NCOA6: variants seen among roughly 807,000 people sequenced by gnomAD.
The protein encoded by NCOA6 is NRC RAP250.
Under a neutral mutation model 171.4 loss-of-function variants are expected in NCOA6, and 49 were observed. That is an observed-to-expected ratio of 0.29 (90% CI 0.23 to 0.36). The LOEUF (loss-of-function observed/expected upper bound fraction) is 0.36. Ranked by LOEUF, NCOA6 falls within the 10% of genes least tolerant of loss-of-function variation. The pLI is 1.00. For synonymous variants in NCOA6, 910 were observed against 927.5 expected (o/e 0.98, Z 0.34); for missense variants, 2,248 against 2,554.5 (o/e 0.88, Z 2.59).
chr20:34,819,113 C>T (rs978768246), intron 1 of NCOA6, among the ~76,000 whole-genome samples: 1 of 152,162 alleles, frequency 6.6e-6, no homozygotes, highest in African/African-American at 2.4e-5. Flanking sequence ...TACTTGCCCA[C>T]AAACTCATCT....
At position 34,809,065 on chromosome 20, in the gene NCOA6, G is replaced by C. The variant is rs147068710; in HGVS notation, c.-164+16407C>G. Among the ~76,000 whole-genome samples the C allele has an allele frequency of 5.5e-4, 84 of 152,314 alleles. 1 individual carries two copies. The East Asian group carries it at 0.014, about 26-fold the overall frequency. ...TTATGAATTCTGAAAATATCAGAGA[G>C]AAGGCCAAATAAATGCTTATTTTGC... On this transcript the variant is annotated intron_variant, in intron 1 of 14. Coordinates refer to ENST00000359003, the MANE Select transcript of NCOA6 (RefSeq NM_014071.5).
At chr20:34,775,682 A>G (rs1387334696) in intron 4 of NCOA6, among the ~76,000 whole-genome samples, 16 of 45,608 alleles carry the variant, frequency 3.5e-4, no homozygotes, top group African/African-American at 1.3e-3. Flanking sequence ...CAAAAAAAAA[A>G]AAAAAAAAAA....
At chr20:34,775,611 G>A (rs781479424) in intron 4 of NCOA6, among the ~76,000 whole-genome samples, 28 of 145,944 alleles carry the variant, frequency 1.9e-4, no homozygotes, top group Non-Finnish European at 3.6e-4. Context: ...CTTGAACCTG[G>A]GAGGTGGAGG....
At chr20:34,770,072 G>A (rs1373989304) in intron 4 of NCOA6, among the ~76,000 whole-genome samples, 15 of 149,140 alleles carry the variant, frequency 1.0e-4, no homozygotes, top group Non-Finnish European at 1.6e-4. Flanking sequence ...ATGGAGTCTC[G>A]CTCTGTCGCC....
chr20:34,775,305 GGTGTGTGT>G (rs112658298), intron 4 of NCOA6, among the ~76,000 whole-genome samples: 16 of 148,328 alleles, frequency 1.1e-4, no homozygotes, highest in Admixed American at 4.0e-4. Context: ...TAGGGGTGTA[GGTGTGTGT>G]GTGTGTGTGT....
intron 11 of NCOA6, among the ~76,000 whole-genome samples, chr20:34,740,143 G>A (rs1376726167): frequency 6.6e-6 from 1 of 152,192 alleles, no homozygotes; most frequent in Non-Finnish European, 1.5e-5. Context: ...GATTACAGGC[G>A]TGAGCCACCG....
At chr20:34,750,587 A>G in intron 8 of NCOA6, 68 bp from the exon 9 acceptor site, 1 of 1,431,620 alleles carries the variant, frequency 7.0e-7, no homozygotes, top group Non-Finnish European at 9.3e-7. Context: ...AAGATACTCA[A>G]GTTACATTAC....
intron 10 of NCOA6, among the ~76,000 whole-genome samples, 185 bp from the exon 11 acceptor site, chr20:34,743,526 C>A (rs532277675): frequency 1.2e-4 from 19 of 152,116 alleles, no homozygotes; most frequent in Non-Finnish European, 2.5e-4. Flanking sequence ...GGGCACAGTG[C>A]TTAAGGAAGC....
intron 5 of NCOA6, among the ~76,000 whole-genome samples, chr20:34,762,146 T>C (rs1479660551): frequency 6.6e-6 from 1 of 152,228 alleles, no homozygotes; most frequent in Non-Finnish European, 1.5e-5. Context: ...CGTAAGAGTT[T>C]AGCAACTTCC....
At position 34,758,796 on chromosome 20, in the gene NCOA6, A is replaced by C; in HGVS notation, c.643+9T>G. 6.2e-7 allele frequency: 1 copy of C among 1,611,672 alleles called. No individual in the cohort carries two copies. ...AGACTCTTCATCCTCAAAGATTGGA[A>C]GTCATTACCTGACTGAGAAGCAGGG... On this transcript the variant is annotated intron_variant, in intron 6 of 14. Coordinates refer to ENST00000359003, the MANE Select transcript of NCOA6 (RefSeq NM_014071.5).
At chr20:34,824,451 C>T (rs1057396889) in intron 1 of NCOA6, among the ~76,000 whole-genome samples, 1 of 152,214 alleles carries the variant, frequency 6.6e-6, no homozygotes, top group Non-Finnish European at 1.5e-5. Context: ...CTCTTCTTCA[C>T]CATTTTACTG....
intron 1 of NCOA6, chr20:34,819,446 C>G (rs778689079): frequency 2.0e-5 from 3 of 152,160 alleles, no homozygotes; most frequent in Non-Finnish European, 4.4e-5. Context: ...AAACAAAATA[C>G]TTATACAGGT....
intron 1 of NCOA6, among the ~76,000 whole-genome samples, chr20:34,797,788 T>C (rs906822561): frequency 6.6e-5 from 10 of 151,966 alleles, no homozygotes; most frequent in South Asian, 2.1e-4. Context: ...CTCGGGAGGC[T>C]GAGACAGAAG....
chr20:34,776,780 A>C (rs1195727155), intron 3 of NCOA6: 1 of 482,934 alleles, frequency 2.1e-6, no homozygotes, highest in East Asian at 6.1e-5. Context: ...CAGGCAATGA[A>C]CGGAAAGCCG....
chr20:34,755,649 C>T (rs1278880792), intron 7 of NCOA6, among the ~76,000 whole-genome samples: 1 of 152,206 alleles, frequency 6.6e-6, no homozygotes, highest in Non-Finnish European at 1.5e-5. Context: ...GGCCAGATCA[C>T]CTAGGTGAGC....
intron 1 of NCOA6, among the ~76,000 whole-genome samples, chr20:34,802,311 ACAAAATTAGCCCAGG>A (rs1405729633): frequency 6.6e-6 from 1 of 152,148 alleles, no homozygotes. Flanking sequence ...CACTAAAAAT[ACAAAATTAGCCCAGG>A]CACAGTAGCT....
intron 1 of NCOA6, among the ~76,000 whole-genome samples, chr20:34,825,135 T>C (rs2079113340): frequency 6.6e-6 from 1 of 151,926 alleles, no homozygotes; most frequent in Admixed American, 6.5e-5. Flanking sequence ...TCCCCAGGCC[T>C]GGAGCGCCAC....
chr20:34,782,488 A>G (rs886788620), intron 2 of NCOA6, 84 bp from the exon 3 acceptor site: 3 of 349,344 alleles, frequency 8.6e-6, no homozygotes, highest in African/African-American at 6.3e-5. Context: ...TGAAAATTAT[A>G]ATTTATTTAA....
At position 34,741,797 on chromosome 20, in the gene NCOA6, C is replaced by G; in HGVS notation, c.4459G>C (p.Ala1487Pro). The change falls in exon 11 of 15, where the codon GCA becomes CCA. Residue 1487 changes from alanine (A) to proline (P), a missense_variant. Physicochemically the swap from Ala to Pro is conservative, Grantham distance 27. Around this residue, in one of 7 missense-constraint regions of NCOA6, gnomAD observed 884 missense variants for 941.9 expected, o/e 0.94. Coordinates refer to ENST00000359003, the MANE Select transcript of NCOA6 (RefSeq NM_014071.5). ...KNLVSPAMRE[A>P]PTSLSQLLDN... Reference sequence around the variant, plus strand: ...AGAAGTTGACTTAACGATGTTGGTGCTTCCCTCATAGCAGGAGACACCAAA... The same window carrying G: ...AGAAGTTGACTTAACGATGTTGGTGGTTCCCTCATAGCAGGAGACACCAAA... 6.2e-7 allele frequency: 1 copy of G among 1,614,148 alleles called. No individual in the cohort carries two copies. Among genetic ancestry groups the G allele is most frequent in the East Asian group, 2.2e-5 (1 of 44,886 alleles).
Sources: gnomAD v4.1 joint callset for allele counts (sites outside exome capture counted in the v4.1 genomes callset) on GRCh38, gnomAD v4.1.1 for gene constraint, gnomAD v4.1.1 regional missense constraint, MANE v1.5 for transcripts, NCBI Gene and HGNC (gene_info 2026-07-23, HGNC 2026-07-21) for gene names.